The following TASP1 variants were observed in gnomAD, a reference collection of about 807,000 sequenced individuals.
The protein encoded by TASP1 is taspase 1, also known as threonine aspartase 1.
TASP1 carries 16 observed loss-of-function variants against 56.6 expected under a neutral mutation model. The ratio of observed to expected loss-of-function variants is 0.28; its 90% confidence interval spans 0.19 to 0.43. TASP1 has a LOEUF of 0.43. Among genes scored for constraint, TASP1 ranks in the 20% least tolerant of loss-of-function variants. TASP1 has a pLI of 1.00. For missense variants in TASP1, 393 were observed against 511.6 expected, an observed-to-expected ratio of 0.77 and a Z score of 2.24; for synonymous variants, 179 against 184.2, an observed-to-expected ratio of 0.97 and a Z score of 0.23.
chr20:13,611,369 A>G (rs965236090), intron 4 of TASP1, among the ~76,000 whole-genome samples: 1 of 152,180 alleles, frequency 6.6e-6, no homozygotes, highest in African/African-American at 2.4e-5. Flanking sequence ...GAGGTTTTTG[A>G]TCTGCTTTAG....
intron 4 of TASP1, among the ~76,000 whole-genome samples, chr20:13,591,996 T>G (rs1214981247): frequency 6.6e-6 from 1 of 152,208 alleles, no homozygotes; most frequent in Non-Finnish European, 1.5e-5. Flanking sequence ...TGGTTCATTT[T>G]TTTTAAATCC....
chr20:13,500,562 TC>T (rs2043908963), intron 10 of TASP1, among the ~76,000 whole-genome samples: 1 of 151,468 alleles, frequency 6.6e-6, no homozygotes, highest in South Asian at 2.1e-4. Flanking sequence ...GATGGGAAAC[TC>T]CAACATAGAA....
At chr20:13,276,952 G>A in the TASP1 span, among the ~76,000 whole-genome samples, 118 of 152,268 alleles carry the variant, frequency 7.7e-4, 5 homozygotes, top group South Asian at 0.022. Context: ...TGGATCCTAA[G>A]ATTTGTTGTT....
intron 4 of TASP1, among the ~76,000 whole-genome samples, chr20:13,589,545 G>A (rs962738675): frequency 2.0e-5 from 3 of 151,940 alleles, no homozygotes; most frequent in African/African-American, 7.3e-5. Context: ...CATAACCTTG[G>A]ATAACAAAAT....
chr20:13,483,589 A>G (rs1476798988), intron 10 of TASP1, among the ~76,000 whole-genome samples: 1 of 152,200 alleles, frequency 6.6e-6, no homozygotes, highest in Non-Finnish European at 1.5e-5. Context: ...TCTCTGTTTA[A>G]CTAGTATGTG....
At chr20:13,355,914 G>A in the TASP1 span, among the ~76,000 whole-genome samples, 1 of 152,144 alleles carries the variant, frequency 6.6e-6, no homozygotes. Flanking sequence ...GATTTCATAG[G>A]ACTCCTCATA....
the TASP1 span, among the ~76,000 whole-genome samples, chr20:13,262,681 C>T: frequency 1.3e-5 from 2 of 152,178 alleles, no homozygotes; most frequent in African/African-American, 4.8e-5. Context: ...TGCACATTTT[C>T]AAGATCAAAG....
At chr20:13,294,137 C>A in the TASP1 span, among the ~76,000 whole-genome samples, 2 of 152,134 alleles carry the variant, frequency 1.3e-5, no homozygotes, top group Non-Finnish European at 2.9e-5. Context: ...GCCAGATGTT[C>A]TGGGTTTCTA....
chr20:13,248,263 CA>C, the TASP1 span, among the ~76,000 whole-genome samples: 1 of 152,144 alleles, frequency 6.6e-6, no homozygotes, highest in African/African-American at 2.4e-5. Flanking sequence ...CTTGAAGCAA[CA>C]AGGGATCTGA....
At chr20:13,547,129 C>T (rs115799984) in intron 8 of TASP1, among the ~76,000 whole-genome samples, 1,590 of 152,254 alleles carry the variant, frequency 0.01, 34 homozygotes, top group African/African-American at 0.037. Context: ...TTTCTAGAGA[C>T]TGTGATAAGG....
At chr20:13,598,729 C>G (rs1457760364) in intron 4 of TASP1, among the ~76,000 whole-genome samples, 1 of 152,098 alleles carries the variant, frequency 6.6e-6, no homozygotes, top group Non-Finnish European at 1.5e-5. Context: ...AAAGAAACTA[C>G]CATCAGAGTG....
At chr20:13,580,793 T>G in intron 6 of TASP1, 104 bp downstream of exon 6, 1 of 1,109,240 alleles carries the variant, frequency 9.0e-7, no homozygotes, top group Middle Eastern at 2.0e-4. Flanking sequence ...AAAGTTTGTC[T>G]TCTTCGCAAA....
At chr20:13,372,738 A>C in the TASP1 span, among the ~76,000 whole-genome samples, 1 of 151,136 alleles carries the variant, frequency 6.6e-6, no homozygotes, top group Middle Eastern at 3.4e-3. Flanking sequence ...TTGCATTGTC[A>C]GTATCTCTAG....
chr20:13,187,116 T>C, the TASP1 span, among the ~76,000 whole-genome samples: 1 of 152,104 alleles, frequency 6.6e-6, no homozygotes. Context: ...ATCAGGAGAT[T>C]TGATGTGATT....
the TASP1 span, among the ~76,000 whole-genome samples, chr20:13,323,739 T>C: frequency 2.0e-5 from 3 of 152,126 alleles, no homozygotes; most frequent in African/African-American, 7.3e-5. Flanking sequence ...AATGAGAGTA[T>C]TTAGTATTTA....
At chr20:13,258,859 G>A in the TASP1 span, among the ~76,000 whole-genome samples, 2 of 152,106 alleles carry the variant, frequency 1.3e-5, no homozygotes, top group Non-Finnish European at 2.9e-5. Flanking sequence ...CTCACAAGCC[G>A]TGGTTCTCCA....
intron 10 of TASP1, among the ~76,000 whole-genome samples, chr20:13,493,586 T>C (rs1451615707): frequency 2.0e-5 from 3 of 152,192 alleles, no homozygotes; most frequent in Admixed American, 6.5e-5. Context: ...GGCCACAGAC[T>C]GAAGGGTGCA....
chr20:13,587,593 C>G (rs2047354893), intron 4 of TASP1, among the ~76,000 whole-genome samples: 1 of 151,676 alleles, frequency 6.6e-6, no homozygotes, highest in Admixed American at 6.6e-5. Flanking sequence ...AAAGAAATAG[C>G]AGCAAAACAA....
chr20:13,257,662 C>T, the TASP1 span, among the ~76,000 whole-genome samples: 1 of 151,404 alleles, frequency 6.6e-6, no homozygotes, highest in East Asian at 1.9e-4. Context: ...TTACACTGCA[C>T]AAGTAAAGCA....
Sources: gnomAD v4.1 joint callset for allele counts (sites outside exome capture counted in the v4.1 genomes callset) on GRCh38, gnomAD v4.1.1 for gene constraint, MANE v1.5 for transcripts, NCBI Gene and HGNC (gene_info 2026-07-23, HGNC 2026-07-21) for gene names.